The following SLC6A9 variants were observed in gnomAD, a reference collection of about 807,000 sequenced individuals.
The protein encoded by SLC6A9 is sodium- and chloride-dependent glycine transporter 1.
A neutral mutation model predicts 70.9 loss-of-function variants in SLC6A9; 31 were observed. The observed-to-expected ratio is 0.44, with a 90% CI of 0.33 to 0.59. The LOEUF (loss-of-function observed/expected upper bound fraction) is 0.59, where lower values mean the gene tolerates loss of function less well. Among genes scored for constraint, SLC6A9 ranks in the 20% least tolerant of loss-of-function variants. SLC6A9 has a pLI of 0.04. For missense variants in SLC6A9, 631 were observed against 845.2 expected, an observed-to-expected ratio of 0.75 and a Z score of 3.14; for synonymous variants, 310 against 341.3, an observed-to-expected ratio of 0.91 and a Z score of 1.01.
At chr1:44,020,795 A>C (rs1030803320) in intron 2 of SLC6A9, among the ~76,000 whole-genome samples, 2 of 152,196 alleles carry the variant, frequency 1.3e-5, no homozygotes, top group Non-Finnish European at 2.9e-5. Context: ...AGGGAAAAAC[A>C]TATGAGAACG....
rs376121638 is a variant in SLC6A9 at position 44,027,093 on chromosome 1, C to T, written c.-85-2731G>A. Among the ~76,000 whole-genome samples the T allele has an allele frequency of 7.9e-5, 12 of 152,238 alleles. 1 individual carries two copies. Among genetic ancestry groups the T allele is most frequent in the Admixed American group, 3.9e-4 (6 of 15,292 alleles). On this transcript the variant is annotated intron_variant, in intron 1 of 13. Transcript: ENST00000372310. ...ATTCAGAAAACACCAACTGATTGCCCGTGGCGTCCAGTCTCTTCTACGTGT... is the reference window on the plus strand; with the variant it reads ...ATTCAGAAAACACCAACTGATTGCCTGTGGCGTCCAGTCTCTTCTACGTGT...
At chr1:44,019,057 A>G (rs2086832010) in intron 2 of SLC6A9, among the ~76,000 whole-genome samples, 1 of 152,246 alleles carries the variant, frequency 6.6e-6, no homozygotes, top group Non-Finnish European at 1.5e-5. Context: ...AAGTCCATTA[A>G]CATGTCGGAT....
In SLC6A9 at chr1:44,013,992, G is replaced by C. The variant is rs936759715; in HGVS notation, c.31-3110C>G. Among the ~76,000 whole-genome samples, 1 of 152,078 alleles carries C rather than the reference G, an allele frequency of 6.6e-6. No individual in the cohort carries two copies. Among genetic ancestry groups the C allele is most frequent in the East Asian group, 1.9e-4 (1 of 5,158 alleles). ...CACTGATATGAACTGTCCCTGCAGT[G>C]GTCATCAGCTGAGGTACCCACGGAA... On this transcript the variant is annotated intron_variant, in intron 2 of 13. Coordinates refer to ENST00000372310, the MANE Select transcript of SLC6A9 (RefSeq NM_001024845.3). This position sits in a 1 kb window ranked among gnomAD's most constrained non-coding sequence, Gnocchi z 5.3.
rs1025348674 is a variant in SLC6A9, at chr1:43,997,650, G to A, written c.1797C>T (p.Pro599=). The change falls in exon 14 of 14, where the codon CCC becomes CCT. Residue 599 remains proline (P), a synonymous_variant. Coordinates refer to ENST00000372310, the MANE Select transcript of SLC6A9 (RefSeq NM_001024845.3). The surrounding 1 kb of genome is among the most constrained non-coding windows in gnomAD (Gnocchi z 4.4). ...GGACCTCGAAGCCGTCCTCAGGAGA[G>A]GGGGCTATGGTGGGGGCGTAGCGCC... ...RTGRYAPTIA[P]SPEDGFEVQP... The A allele has an allele frequency of 1.2e-6, 2 of 1,614,058 alleles. No individual in the cohort carries two copies. The highest frequency in any genetic ancestry group is 1.3e-5 in the African/African-American group (1 of 75,060).
At chr1:44,007,891 TC>T (rs1453918507) in intron 5 of SLC6A9, among the ~76,000 whole-genome samples, 1 of 100,674 alleles carries the variant, frequency 9.9e-6, no homozygotes, top group Non-Finnish European at 1.8e-5. Flanking sequence ...TTGCTTTCTT[TC>T]TTTTTTTTTT....
chr1:44,004,015 G>C (rs1161844863), intron 5 of SLC6A9, among the ~76,000 whole-genome samples: 1 of 145,096 alleles, frequency 6.9e-6, no homozygotes, highest in South Asian at 2.2e-4. Context: ...TTTTTTTTTT[G>C]ACACAGTCTT....
In SLC6A9 at chr1:44,020,806, C is replaced by T. The variant is rs531939415; in HGVS notation, c.30+3442G>A. Among the ~76,000 whole-genome samples the T allele has an allele frequency of 1.1e-3, 166 of 152,294 alleles. 1 individual carries two copies. The Middle Eastern group carries it at 0.014, about 12-fold the overall frequency. ...CCTCAGGGAAAAACATATGAGAACG[C>T]GTCAGGGTGGGGCAGCCCCTGGCGG... On this transcript the variant is annotated intron_variant, in intron 2 of 13. Transcript: ENST00000372310.
Position 44,010,208 on chromosome 1 carries a change from G to A in SLC6A9, c.188-112C>T, listed in dbSNP as rs2086495908. On this transcript the variant is annotated intron_variant, in intron 3 of 13. Coordinates refer to ENST00000372310, the MANE Select transcript of SLC6A9 (RefSeq NM_001024845.3). ...TTCGCGATTGGGTAGGACCCAGGGAGGAGTGTGCCAGGCTTGAGCAGGAGC... is the reference window on the plus strand; with the variant it reads ...TTCGCGATTGGGTAGGACCCAGGGAAGAGTGTGCCAGGCTTGAGCAGGAGC... 5.8e-6 allele frequency: 7 copies of A among 1,208,534 alleles called. No homozygotes were observed. The South Asian group carries it at 1.0e-4, about 17-fold the overall frequency. The allele number at this position is 1,208,534 out of a possible 1,614,324, so 74.9% of individuals were successfully genotyped here. A position where few individuals can be genotyped will look rare whatever the true frequency, so the allele number is the denominator to read the frequency against.
intron 5 of SLC6A9, among the ~76,000 whole-genome samples, 197 bp from the exon 6 acceptor site, chr1:44,003,182 C>G (rs1053042215): frequency 6.6e-6 from 1 of 152,226 alleles, no homozygotes; most frequent in Non-Finnish European, 1.5e-5. Context: ...CCTGGGGAGC[C>G]CAACACAGTC....
chr1:44,016,949 C>T (rs1307595325), intron 2 of SLC6A9: 3 of 1,290,404 alleles, frequency 2.3e-6, no homozygotes, highest in African/African-American at 3.1e-5. Context: ...CTGCCCCTCC[C>T]TGGCACAGAC....
chr1:44,017,568 G>A (rs1452246715), intron 2 of SLC6A9, among the ~76,000 whole-genome samples: 4 of 152,172 alleles, frequency 2.6e-5, no homozygotes, highest in Admixed American at 6.5e-5. Flanking sequence ...GATGGTGACC[G>A]GCAGGAGGAT....
In SLC6A9 at chr1:44,008,642, G is replaced by T. The variant is rs1557679895; in HGVS notation, c.320-19C>A. ...CCCACTCCTGCAGGAGGGGAGGGGTGGGGGGAGGAGCCTCAGCATCCAGCA... is the reference window on the plus strand; with the variant it reads ...CCCACTCCTGCAGGAGGGGAGGGGTTGGGGGAGGAGCCTCAGCATCCAGCA... On this transcript the variant is annotated intron_variant, in intron 4 of 13. Transcript: ENST00000372310. The T allele has an allele frequency of 2.5e-6, 4 of 1,605,122 alleles. No homozygotes were observed. Among genetic ancestry groups the T allele is most frequent in the South Asian group, 2.2e-5 (2 of 90,836 alleles).
intron 2 of SLC6A9, chr1:44,011,727 AG>A: frequency 6.2e-7 from 1 of 1,613,656 alleles, no homozygotes; most frequent in Non-Finnish European, 8.5e-7. Flanking sequence ...CGTCACCTGC[AG>A]GGGAGGGGGC....
chr1:44,024,214 C>T, intron 2 of SLC6A9, 34 bp downstream of exon 2: 1 of 1,610,920 alleles, frequency 6.2e-7, no homozygotes. Context: ...CTTGGGACTC[C>T]CGTTCCTTCC....
In SLC6A9 at chr1:44,027,931, C is replaced by T. The variant is rs567349932; in HGVS notation, c.-86+3375G>A. Among the ~76,000 whole-genome samples the T allele has an allele frequency of 4.6e-5, 7 of 152,202 alleles. No individual in the cohort carries two copies. The South Asian group carries it at 6.2e-4, about 14-fold the overall frequency. On this transcript the variant is annotated intron_variant, in intron 1 of 13. Coordinates refer to ENST00000372310, the MANE Select transcript of SLC6A9 (RefSeq NM_001024845.3). ...CAGAGGTTGCAGTGAGCCGAGGTCA[C>T]GCCATTGCACCCCAGCCTGGGCAAA...
At position 44,008,471 on chromosome 1, in the gene SLC6A9, C is replaced by G. The variant is rs61741712; in HGVS notation, c.472G>C (p.Gly158Arg). ...NNPWNTHDCA[G>R]VLDASNLTNG... ...GTGAGGTTGGAGGCGTCCAGTACACCGGCGCAGTCATGCGTGTTCCAGGGG... is the reference window on the plus strand; with the variant it reads ...GTGAGGTTGGAGGCGTCCAGTACACGGGCGCAGTCATGCGTGTTCCAGGGG... The change falls in exon 5 of 14, where the codon GGT (glycine) becomes CGT (arginine). Residue 158 changes from glycine to arginine, a missense_variant. By Grantham distance (125) the Gly-to-Arg change is moderately radical (BLOSUM62 -2). Coordinates refer to ENST00000372310, the MANE Select transcript of SLC6A9 (RefSeq NM_001024845.3). The G allele has an allele frequency of 1.9e-5, 31 of 1,614,032 alleles. No individual in the cohort carries two copies. The highest frequency in any genetic ancestry group is 2.6e-5 in the Non-Finnish European group (31 of 1,180,028).
At chr1:44,030,669 AAG>A (rs1209656942) in intron 1 of SLC6A9, 3 of 152,066 alleles carry the variant, frequency 2.0e-5, no homozygotes, top group African/African-American at 7.2e-5. Context: ...AGCGCGGACA[AAG>A]AGAGGCTGAG....
At chr1:44,015,840 G>T (rs1381403470) in intron 2 of SLC6A9, 2 of 985,102 alleles carry the variant, frequency 2.0e-6, no homozygotes, top group Non-Finnish European at 2.4e-6. Context: ...TGGGGCCGGG[G>T]TGGAGGGGCA....
At position 44,028,712 on chromosome 1, in the gene SLC6A9, GC is replaced by G. The variant is rs1478096120; in HGVS notation, c.-86+2593del. Among the ~76,000 whole-genome samples the G allele has an allele frequency of 4.6e-5, 7 of 152,210 alleles. 1 individual carries two copies. Among genetic ancestry groups the G allele is most frequent in the African/African-American group, 1.7e-4 (7 of 41,522 alleles). On this transcript the variant is annotated intron_variant, in intron 1 of 13. Coordinates refer to ENST00000372310, the MANE Select transcript of SLC6A9 (RefSeq NM_001024845.3). ...AGAGGTTGCAGTGAGTCAAGATTGT[GC>G]CATTGCACTATTGCCTGGGCAACAA...
Sources: allele counts gnomAD v4.1 joint callset (sites outside exome capture counted in the v4.1 genomes callset), GRCh38; gene constraint gnomAD v4.1.1; non-coding constraint Gnocchi (gnomAD v3.1); transcripts MANE v1.5; gene names NCBI Gene and HGNC (gene_info 2026-07-23, HGNC 2026-07-21).